The following ETFBKMT variants were observed in gnomAD, a reference collection of about 807,000 sequenced individuals.
ETFBKMT encodes electron transfer flavoprotein beta subunit lysine methyltransferase.
ETFBKMT carries 13 observed loss-of-function variants against 18.3 expected under a neutral mutation model. The observed-to-expected ratio is 0.71, with a 90% CI of 0.46 to 1.13. The LOEUF (loss-of-function observed/expected upper bound fraction) is 1.13, where lower values mean the gene tolerates loss of function less well. Among genes scored for constraint, ETFBKMT ranks in the 50% most tolerant of loss-of-function variants. ETFBKMT has a pLI of 0.00. For missense variants in ETFBKMT, 293 were observed against 306.2 expected (o/e 0.96, Z 0.32); for synonymous variants, 84 against 107.9 (o/e 0.78, Z 1.37).
intron 1 of ETFBKMT, among the ~76,000 whole-genome samples, chr12:31,647,871 T>G (rs7961125): frequency 6.6e-6 from 1 of 151,232 alleles, no homozygotes; most frequent in Non-Finnish European, 1.5e-5. Context: ...AAAAAACAAG[T>G]GTTGATAAGA....
rs1465853661 is a variant in ETFBKMT, at chr12:31,662,262, G to C, written c.309G>C (p.Leu103=). 1 of 1,613,936 alleles carries C rather than the reference G, an allele frequency of 6.2e-7. No individual in the cohort carries two copies. Among genetic ancestry groups the C allele is most frequent in the Admixed American group, 1.7e-5 (1 of 60,024 alleles). Residue 103 remains leucine (L), a synonymous_variant, in exon 2 of 4, where the codon CTG becomes CTC. Coordinates refer to ENST00000357721, the MANE Select transcript of ETFBKMT (RefSeq NM_001135863.2). ...TCTACTGGCCAGGAGGCCAAGCCCT[G>C]TCTAGGTACTACCCTAATGAAACCT... The part of the protein sequence containing the change: ...WAIYWPGGQA[L]SRYLLDNPDV...
At chr12:31,654,513 A>G (rs1951044079), upstream of ETFBKMT, among the ~76,000 whole-genome samples, 1 of 152,248 alleles carries the variant, frequency 6.6e-6, no homozygotes, top group Non-Finnish European at 1.5e-5. Context: ...AAAAGAAAGA[A>G]AGAACTCAAA....
At chr12:31,654,670 C>T (rs896717919), upstream of ETFBKMT, among the ~76,000 whole-genome samples, 4 of 151,998 alleles carry the variant, frequency 2.6e-5, no homozygotes, top group East Asian at 1.9e-4. Flanking sequence ...AGACAAAAAC[C>T]GTATAAACTC....
chr12:31,661,896 T>A lies in ETFBKMT; in HGVS notation c.-58T>A. 5 of 1,518,612 alleles carry A rather than the reference T, an allele frequency of 3.3e-6. No individual in the cohort carries two copies. The Admixed American group carries it at 9.2e-5, about 28-fold the overall frequency. The allele number at this position is 1,518,612 out of a possible 1,614,324, so 94.1% of individuals were successfully genotyped here. Reference sequence around the variant, plus strand: ...GAGACACACCCTTGTTCATTCTCCTTGAGAAGCAGCTATTATCAACAGAAC... The same window carrying A: ...GAGACACACCCTTGTTCATTCTCCTAGAGAAGCAGCTATTATCAACAGAAC... On this transcript the variant is annotated 5_prime_UTR_variant, in exon 2 of 4. Transcript: ENST00000357721.
chr12:31,662,508 T>TC (rs200962024), intron 2 of ETFBKMT, among the ~76,000 whole-genome samples: 1,911 of 145,024 alleles, frequency 0.013, 39 homozygotes, highest in African/African-American at 0.048. Flanking sequence ...TTTCTTTCTT[T>TC]TTTTTTTTTT....
intron 1 of ETFBKMT, among the ~76,000 whole-genome samples, chr12:31,648,487 G>C (rs1950986314): frequency 6.8e-6 from 1 of 147,068 alleles, no homozygotes; most frequent in Non-Finnish European, 1.5e-5. Flanking sequence ...TCAGCCTCCT[G>C]AGTAGCCGGG....
At chr12:31,662,595 C>T (rs1951140462) in intron 2 of ETFBKMT, among the ~76,000 whole-genome samples, 1 of 149,512 alleles carries the variant, frequency 6.7e-6, no homozygotes, top group Admixed American at 6.8e-5. Flanking sequence ...TCCCCAAGTG[C>T]TGGTATTACA....
In ETFBKMT at chr12:31,662,216, A is replaced by G; in HGVS notation, c.263A>G (p.His88Arg). The G allele has an allele frequency of 6.2e-7, 1 of 1,614,230 alleles. No individual in the cohort carries two copies. Among genetic ancestry groups the G allele is most frequent in the Non-Finnish European group, 8.5e-7 (1 of 1,180,036 alleles). ...FWWERADLWP[H>R]SDPYWAIYWP... is the part of the protein sequence containing the mutation. ...TGGGAGAGAGCTGACCTGTGGCCCCACAGTGATCCTTACTGGGCAATCTAC... is the reference window on the plus strand; with the variant it reads ...TGGGAGAGAGCTGACCTGTGGCCCCGCAGTGATCCTTACTGGGCAATCTAC... The change falls in exon 2 of 4, where the codon CAC (histidine) becomes CGC (arginine). Residue 88 changes from histidine to arginine, a missense_variant. Transcript: ENST00000357721.
chr12:31,664,133 G>A (rs797008409), intron 2 of ETFBKMT, among the ~76,000 whole-genome samples: 2 of 151,522 alleles, frequency 1.3e-5, no homozygotes, highest in African/African-American at 2.4e-5. Flanking sequence ...CCATTCTCCT[G>A]CCTCAGTAGT....
At chr12:31,652,930 C>T (rs1322478740) in intron 1 of ETFBKMT, among the ~76,000 whole-genome samples, 2 of 152,194 alleles carry the variant, frequency 1.3e-5, no homozygotes, top group Non-Finnish European at 2.9e-5. Flanking sequence ...TGTGCCAGGC[C>T]GGTCGCGGTG....
intron 3 of ETFBKMT, among the ~76,000 whole-genome samples, chr12:31,667,120 G>A (rs1396979000): frequency 8.6e-5 from 13 of 151,634 alleles, no homozygotes; most frequent in African/African-American, 1.5e-4. Context: ...TCAGCCTCCC[G>A]AGTAGCTGGG....
At chr12:31,657,609 T>C (rs1396417125), upstream of ETFBKMT, among the ~76,000 whole-genome samples, 1 of 152,014 alleles carries the variant, frequency 6.6e-6, no homozygotes, top group Middle Eastern at 3.4e-3. Flanking sequence ...CTGACCAACA[T>C]GGTGAAACCC....
rs1050346363 is a variant in ETFBKMT, at chr12:31,668,363, C to T, written c.*373C>T. 1 of 162,098 alleles carries T rather than the reference C, an allele frequency of 6.2e-6. No individual in the cohort carries two copies. The highest frequency in any genetic ancestry group is 1.3e-5 in the Non-Finnish European group (1 of 75,714). The allele number at this position is 162,098 out of a possible 1,614,324, so 10.0% of individuals were successfully genotyped here. ...GTGATGTAACTTTGAATTAAACAAA[C>T]AAAACAAAACAGAAGAAGACTATAT... On this transcript the variant is annotated 3_prime_UTR_variant, in exon 4 of 4. Coordinates refer to ENST00000357721, the MANE Select transcript of ETFBKMT (RefSeq NM_001135863.2).
chr12:31,664,094 C>T (rs544108389), intron 2 of ETFBKMT, among the ~76,000 whole-genome samples: 5 of 151,464 alleles, frequency 3.3e-5, no homozygotes, highest in South Asian at 2.1e-4. Flanking sequence ...CTATGTCCAA[C>T]GGGTCCCCTT....
rs1014566976 is a variant in ETFBKMT, at chr12:31,668,688, T to G, written c.*698T>G. 1 of 152,370 alleles carries G rather than the reference T, an allele frequency of 6.6e-6. No homozygotes were observed. The highest frequency in any genetic ancestry group is 6.5e-5 in the Admixed American group (1 of 15,278). The allele number at this position is 152,370 out of a possible 1,614,324, so 9.4% of individuals were successfully genotyped here. A position where few individuals can be genotyped will look rare whatever the true frequency, so the allele number is the denominator to read the frequency against. ...TTGTATTTTTAGTAGAGACGGGGTT[T>G]TGCCATGTTGGCCAGGCCGGTCTCA... On this transcript the variant is annotated 3_prime_UTR_variant, in exon 4 of 4. Transcript: ENST00000357721.
At chr12:31,659,309 G>A (rs1326149696), upstream of ETFBKMT, 2 of 152,272 alleles carry the variant, frequency 1.3e-5, no homozygotes, top group Non-Finnish European at 2.9e-5. Flanking sequence ...TCGCCAGGGC[G>A]AGTGACAGGC....
Position 31,667,860 on chromosome 12 carries a change from G to C in ETFBKMT, c.659G>C (p.Gly220Ala). Residue 220 changes from glycine (G) to alanine (A), a missense_variant, in exon 4 of 4, where the codon GGG (glycine) becomes GCG (alanine). By Grantham distance (60) the Gly-to-Ala change is moderately conservative. Transcript: ENST00000357721. Reference sequence around the variant, plus strand: ...ACTCGAGTACTGATTGGTGACCCTGGGCGGCCCCAGTTCAGTGGACACAGC... The same window carrying C: ...ACTCGAGTACTGATTGGTGACCCTGCGCGGCCCCAGTTCAGTGGACACAGC... Reference protein sequence around the residue: ...YRTRVLIGDPGRPQFSGHSIQ... With the variant: ...YRTRVLIGDPARPQFSGHSIQ... The C allele has an allele frequency of 1.2e-6, 2 of 1,614,102 alleles. No individual in the cohort carries two copies. The highest frequency in any genetic ancestry group is 1.7e-6 in the Non-Finnish European group (2 of 1,180,034).
At chr12:31,664,893 C>T (rs1256972466) in intron 2 of ETFBKMT, among the ~76,000 whole-genome samples, 1 of 150,090 alleles carries the variant, frequency 6.7e-6, no homozygotes, top group Non-Finnish European at 1.5e-5. Flanking sequence ...GGATTACAGG[C>T]GTGAGCCACC....
chr12:31,665,093 C>A (rs1490977816), intron 2 of ETFBKMT, among the ~76,000 whole-genome samples: 4 of 151,270 alleles, frequency 2.6e-5, no homozygotes, highest in African/African-American at 9.7e-5. Flanking sequence ...CCCGCCACCA[C>A]ACCTGGCTAA....
Sources: gnomAD v4.1 joint callset for allele counts (sites outside exome capture counted in the v4.1 genomes callset) on GRCh38, gnomAD v4.1.1 for gene constraint, MANE v1.5 for transcripts, NCBI Gene and HGNC (gene_info 2026-07-23, HGNC 2026-07-21) for gene names.